Variants in SLC30A9 observed in about 807,000 individuals in gnomAD.
The protein encoded by SLC30A9 is solute carrier family 30 member 9, also known as proton-coupled zinc antiporter SLC30A9, mitochondrial.
SLC30A9 carries 58 observed loss-of-function variants against 87.5 expected under a neutral mutation model. That is an observed-to-expected ratio of 0.66 (90% CI 0.54 to 0.82). The LOEUF (loss-of-function observed/expected upper bound fraction) is 0.82, where lower values mean the gene tolerates loss of function less well. Among genes scored for constraint, SLC30A9 ranks in the 40% least tolerant of loss-of-function variants. The pLI, the probability that SLC30A9 is intolerant of heterozygous loss-of-function variation, is 0.00. For synonymous variants in SLC30A9, 234 were observed against 233.0 expected, an observed-to-expected ratio of 1.00 and a Z score of -0.04; for missense variants, 557 against 679.1, an observed-to-expected ratio of 0.82 and a Z score of 2.00.
Position 42,023,321 on chromosome 4 carries a change from A to G in SLC30A9, c.547A>G (p.Ser183Gly). Reference sequence around the variant, plus strand: ...GCACAGATCTTTGGAAGTTTGGGGAAGCCCTGAAGCTCTTGCCAGAGAGAA... The same window carrying G: ...GCACAGATCTTTGGAAGTTTGGGGAGGCCCTGAAGCTCTTGCCAGAGAGAA... ...VEAKSLEVWGSPEALAREKKL... is the reference protein window; with the variant it reads ...VEAKSLEVWGGPEALAREKKL... The change falls in exon 6 of 18, where the codon AGC becomes GGC. Residue 183 changes from serine to glycine, a missense_variant. Around this residue, in one of 2 missense-constraint regions of SLC30A9, gnomAD observed 467 missense variants for 529.8 expected, o/e 0.88. Coordinates refer to ENST00000264451, the MANE Select transcript of SLC30A9 (RefSeq NM_006345.4). 6.2e-7 allele frequency: 1 copy of G among 1,613,502 alleles called. No individual in the cohort carries two copies. Among genetic ancestry groups the G allele is most frequent in the Non-Finnish European group, 8.5e-7 (1 of 1,179,380 alleles).
At chr4:41,996,260 T>C (rs1207157283) in intron 1 of SLC30A9, among the ~76,000 whole-genome samples, 1 of 151,848 alleles carries the variant, frequency 6.6e-6, no homozygotes, top group Non-Finnish European at 1.5e-5. Flanking sequence ...CACGCCTGGC[T>C]GATTTTTGTG....
intron 7 of SLC30A9, among the ~76,000 whole-genome samples, chr4:42,038,228 G>A (rs184452006): frequency 3.6e-4 from 54 of 152,028 alleles, no homozygotes; most frequent in African/African-American, 7.7e-4. Context: ...ACATCTTCCC[G>A]TTTTCTACAG....
intron 1 of SLC30A9, 105 bp from the exon 2 acceptor site, chr4:42,001,509 CAT>C: frequency 5.5e-6 from 3 of 542,232 alleles, no homozygotes; most frequent in Non-Finnish European, 9.7e-6. Flanking sequence ...AATGGTATTT[CAT>C]GTGTACCTAG....
chr4:42,020,619 T>G (rs745435564), intron 4 of SLC30A9, 104 bp downstream of exon 4: 54 of 562,042 alleles, frequency 9.6e-5, no homozygotes, highest in Non-Finnish European at 1.5e-4. Context: ...ATGGAAAATT[T>G]GCTACTGGCT....
At chr4:42,008,286 A>G (rs531106484) in intron 2 of SLC30A9, among the ~76,000 whole-genome samples, 2 of 152,254 alleles carry the variant, frequency 1.3e-5, no homozygotes, top group Non-Finnish European at 2.9e-5. Context: ...CACTCAACCT[A>G]AAGTAGCCAC....
intron 1 of SLC30A9, among the ~76,000 whole-genome samples, chr4:41,995,415 G>A (rs1256617000): frequency 6.6e-6 from 1 of 152,050 alleles, no homozygotes; most frequent in African/African-American, 2.4e-5. Flanking sequence ...AGCATTGGAT[G>A]CCAGGCATTA....
chr4:42,032,260 G>T (rs1401261041), intron 6 of SLC30A9, among the ~76,000 whole-genome samples: 1 of 151,638 alleles, frequency 6.6e-6, no homozygotes, highest in Non-Finnish European at 1.5e-5. Context: ...TTTGACATGA[G>T]ATTTGGATGG....
intron 1 of SLC30A9, among the ~76,000 whole-genome samples, chr4:42,000,958 A>G (rs546269407): frequency 6.6e-6 from 1 of 152,194 alleles, no homozygotes; most frequent in Admixed American, 6.5e-5. Flanking sequence ...ACAGGAAAAT[A>G]GGAACAAATT....
At chr4:42,065,107 T>C (rs1718028604) in intron 11 of SLC30A9, among the ~76,000 whole-genome samples, 3 of 152,052 alleles carry the variant, frequency 2.0e-5, no homozygotes, top group Admixed American at 2.0e-4. Context: ...GATCTTACTG[T>C]ATCTGGTGTC....
Position 42,020,503 on chromosome 4 carries a change from GC to G in SLC30A9, c.424del (p.Leu142SerfsTer6). 7 of 1,583,326 alleles carry G rather than the reference GC, an allele frequency of 4.4e-6. No homozygotes were observed. The highest frequency in any genetic ancestry group is 6.1e-6 in the Non-Finnish European group (7 of 1,156,480). On this transcript the variant is annotated frameshift_variant, in exon 4 of 18. Coordinates refer to ENST00000264451, the MANE Select transcript of SLC30A9 (RefSeq NM_006345.4). LOFTEE classifies it high-confidence loss of function. ...GGAGTCAGAGCGATAAATGAGTTCT[GC>G]CTCAAATCCAGGTAATTTTTTTAAA... is the stretch of plus-strand genomic sequence containing the variant. ...ITGVRAINEF[C>X]LKSSDLEQLR...
intron 2 of SLC30A9, among the ~76,000 whole-genome samples, chr4:42,014,639 G>A (rs1430258505): frequency 6.6e-6 from 1 of 152,100 alleles, no homozygotes; most frequent in Non-Finnish European, 1.5e-5. Context: ...AATAGCCAAG[G>A]TTTGGAAGCA....
intron 8 of SLC30A9, 65 bp from the exon 9 acceptor site, chr4:42,049,312 G>C (rs1717293279): frequency 4.4e-6 from 4 of 904,426 alleles, no homozygotes; most frequent in African/African-American, 1.7e-5. Context: ...ACAGCTGATT[G>C]AGTATGCTTT....
chr4:42,066,988 A>G (rs76632475), intron 13 of SLC30A9, 97 bp from the exon 14 acceptor site: 9,330 of 733,180 alleles, frequency 0.013, 87 homozygotes, highest in South Asian at 0.016. Context: ...CTTAACTTAT[A>G]TCTTGATTTT....
intron 6 of SLC30A9, 64 bp downstream of exon 6, chr4:42,023,448 G>C (rs1298558218): frequency 2.8e-6 from 3 of 1,053,444 alleles, no homozygotes; most frequent in South Asian, 1.3e-5. Context: ...AACTGTATCT[G>C]TAAGAACTCT....
intron 6 of SLC30A9, among the ~76,000 whole-genome samples, chr4:42,033,389 G>T (rs561209086): frequency 6.6e-6 from 1 of 151,402 alleles, no homozygotes; most frequent in East Asian, 1.9e-4. Flanking sequence ...CTATAATCCC[G>T]GGACTTTGGG....
intron 2 of SLC30A9, among the ~76,000 whole-genome samples, chr4:42,006,363 G>T (rs1715199523): frequency 6.6e-6 from 1 of 152,124 alleles, no homozygotes. Context: ...ATTTCCATAA[G>T]GAAATGATAC....
At chr4:42,070,804 G>A (rs932802022) in intron 15 of SLC30A9, 113 bp downstream of exon 15, 4 of 732,120 alleles carry the variant, frequency 5.5e-6, no homozygotes, top group Middle Eastern at 3.2e-4. Context: ...TCTTCAGAAC[G>A]TTTTAGTCTG....
In SLC30A9 at chr4:42,089,064, A is replaced by G. The variant is rs1719018094; in HGVS notation, c.*2938A>G. On this transcript the variant is annotated 3_prime_UTR_variant, in exon 18 of 18. Transcript: ENST00000264451. ...TTTGGCATATAGCATTTGAGTATTA[A>G]AGCATATAAATCATTTTTAAGGAAA... is the stretch of plus-strand genomic sequence containing the variant. 6.6e-6 allele frequency: 1 copy of G among 152,210 alleles called. No homozygotes were observed. Among genetic ancestry groups the G allele is most frequent in the African/African-American group, 2.4e-5 (1 of 41,458 alleles). 9.4% of individuals were successfully genotyped at this position (152,210 alleles called of 1,614,324 possible).
At chr4:42,029,698 TA>T in intron 6 of SLC30A9, 1 of 751,170 alleles carries the variant, frequency 1.3e-6, no homozygotes, top group Non-Finnish European at 2.5e-6. Flanking sequence ...TGCTCTGGAT[TA>T]AATGACAAAA....
Sources: gnomAD v4.1 joint callset for allele counts (sites outside exome capture counted in the v4.1 genomes callset) on GRCh38, gnomAD v4.1.1 for gene constraint, gnomAD v4.1.1 regional missense constraint, MANE v1.5 for transcripts, NCBI Gene and HGNC (gene_info 2026-07-23, HGNC 2026-07-21) for gene names.